The following PTPRM variants were observed in gnomAD, a reference collection of about 807,000 sequenced individuals.
PTPRM encodes the protein receptor-type tyrosine-protein phosphatase mu.
In PTPRM, 47 loss-of-function variants were observed where a neutral mutation model predicts 186.7. That is an observed-to-expected ratio of 0.25 (90% CI 0.20 to 0.32). The LOEUF (loss-of-function observed/expected upper bound fraction) is 0.32. Among genes scored for constraint, PTPRM ranks in the 10% least tolerant of loss-of-function variants. The pLI, the probability that PTPRM is intolerant of heterozygous loss-of-function variation, is 1.00. For synonymous variants in PTPRM, 668 were observed against 674.9 expected, an observed-to-expected ratio of 0.99 and a Z score of 0.16; for missense variants, 1,494 against 1,865.0, an observed-to-expected ratio of 0.80 and a Z score of 3.66.
intron 5 of PTPRM, among the ~76,000 whole-genome samples, chr18:7,938,988 G>A (rs188382497): frequency 1.9e-4 from 29 of 152,238 alleles, no homozygotes; most frequent in Admixed American, 1.8e-3. Flanking sequence ...AGAAATCAAA[G>A]GTCAACACTA....
chr18:8,071,554 C>T (rs1441981329), intron 8 of PTPRM, among the ~76,000 whole-genome samples: 1 of 152,144 alleles, frequency 6.6e-6, no homozygotes, highest in African/African-American at 2.4e-5. Context: ...CATTCCAGTG[C>T]CTTGGCTGTC....
intron 1 of PTPRM, among the ~76,000 whole-genome samples, chr18:7,604,755 C>A (rs2037488551): frequency 6.6e-6 from 1 of 152,144 alleles, no homozygotes; most frequent in Admixed American, 6.5e-5. Flanking sequence ...TGGGAGCTGC[C>A]CTGTTCACCT....
chr18:7,749,773 C>A (rs1355189998), intron 1 of PTPRM, among the ~76,000 whole-genome samples: 1 of 152,252 alleles, frequency 6.6e-6, no homozygotes, highest in African/African-American at 2.4e-5. Flanking sequence ...ATTCTCAATT[C>A]CATGTTAGGG....
At position 8,397,098 on chromosome 18, in the gene PTPRM, G is replaced by A. The variant is rs1038701299; in HGVS notation, c.4344+2487G>A. Among the ~76,000 whole-genome samples, 8 of 152,238 alleles carry A rather than the reference G, an allele frequency of 5.3e-5. No homozygotes were observed. In the East Asian group the frequency reaches 7.7e-4, roughly 15 times the overall value. On this transcript the variant is annotated intron_variant, in intron 32 of 32. Transcript: ENST00000580170. Reference sequence around the variant, plus strand: ...AGCAGTGTACTGAGTCTACTTAGCCGCGTCTTCAGAGGATGACGAGCATGT... The same window carrying A: ...AGCAGTGTACTGAGTCTACTTAGCCACGTCTTCAGAGGATGACGAGCATGT...
In PTPRM at chr18:7,652,215, A is replaced by T. The variant is rs191941888; in HGVS notation, c.73+84324A>T. Among the ~76,000 whole-genome samples, 116 of 152,332 alleles carry T rather than the reference A, an allele frequency of 7.6e-4. No individual in the cohort carries two copies. The East Asian group carries it at 0.02, about 26-fold the overall frequency. ...AAACCACAATGAGATATCATCTAAC[A>T]CCAGTTAGAATGGCAGTCATTAAAA... On this transcript the variant is annotated intron_variant, in intron 1 of 32. Coordinates refer to ENST00000580170, the MANE Select transcript of PTPRM (RefSeq NM_001105244.2).
At chr18:8,284,863 T>A (rs1465869632) in intron 19 of PTPRM, among the ~76,000 whole-genome samples, 2 of 152,222 alleles carry the variant, frequency 1.3e-5, no homozygotes, top group Non-Finnish European at 2.9e-5. Context: ...ATATACTTTT[T>A]AAAAAACATA....
intron 14 of PTPRM, among the ~76,000 whole-genome samples, chr18:8,216,228 A>T (rs1298546652): frequency 6.6e-6 from 1 of 152,084 alleles, no homozygotes; most frequent in African/African-American, 2.4e-5. Context: ...TTTTCCAACA[A>T]GATTGTCTGT....
chr18:8,313,741 C>T (rs907859465), intron 20 of PTPRM, among the ~76,000 whole-genome samples: 2 of 152,074 alleles, frequency 1.3e-5, no homozygotes, highest in Non-Finnish European at 2.9e-5. Flanking sequence ...CCCTTACCCC[C>T]TTCTCCCCCT....
rs1012474100 is a variant in PTPRM, at chr18:7,808,918, T to G, written c.196+34647T>G. On this transcript the variant is annotated intron_variant, in intron 2 of 32. Transcript: ENST00000580170. The stretch of plus-strand genomic sequence containing the variant: ...TCACATCTGATTTGTAGCACATTCC[T>G]CATTGGAAGAAACATAAGCAATACA... 6.6e-5 allele frequency among the ~76,000 whole-genome samples: 10 copies of G among 152,222 alleles called. 1 individual carries two copies. The highest frequency in any genetic ancestry group is 1.9e-4 in the African/African-American group (8 of 41,464).
At chr18:7,978,180 G>A (rs181819682) in intron 7 of PTPRM, among the ~76,000 whole-genome samples, 47 of 152,266 alleles carry the variant, frequency 3.1e-4, no homozygotes, top group South Asian at 1.5e-3. Flanking sequence ...TTGATTTAAG[G>A]ATGGGATTGG....
At chr18:7,888,014 C>T (rs761856698) in intron 2 of PTPRM, 92 bp from the exon 3 acceptor site, 1 of 1,467,378 alleles carries the variant, frequency 6.8e-7, no homozygotes, top group South Asian at 1.1e-5. Flanking sequence ...CATGGAATTG[C>T]AGTGCCAACC....
intron 13 of PTPRM, among the ~76,000 whole-genome samples, chr18:8,130,934 A>G (rs1278667600): frequency 6.6e-6 from 1 of 152,222 alleles, no homozygotes; most frequent in Non-Finnish European, 1.5e-5. Context: ...GTGGTGAGAC[A>G]TCGAGTGCAA....
chr18:8,388,058 G>A (rs190919664), intron 31 of PTPRM, among the ~76,000 whole-genome samples: 1 of 152,176 alleles, frequency 6.6e-6, no homozygotes, highest in Non-Finnish European at 1.5e-5. Context: ...ATTTCAATGT[G>A]TTGAGATAAT....
intron 14 of PTPRM, among the ~76,000 whole-genome samples, chr18:8,238,424 A>T (rs528572005): frequency 6.9e-6 from 1 of 144,320 alleles, no homozygotes; most frequent in African/African-American, 2.6e-5. Flanking sequence ...ATTCTGTTAC[A>T]ACGTTTTTTG....
chr18:8,348,808 CTG>C (rs1256615109), intron 23 of PTPRM, among the ~76,000 whole-genome samples: 13 of 152,186 alleles, frequency 8.5e-5, no homozygotes, highest in Non-Finnish European at 1.3e-4. Flanking sequence ...TAGAATGTGA[CTG>C]TTTATTAAAA....
At chr18:8,244,312 T>C in intron 15 of PTPRM, 103 bp downstream of exon 15, 3 of 1,177,104 alleles carry the variant, frequency 2.5e-6, no homozygotes, top group Non-Finnish European at 3.4e-6. Flanking sequence ...CCTGAAGAAA[T>C]TTTTATGCCG....
At position 8,007,219 on chromosome 18, in the gene PTPRM, A is replaced by G. The variant is rs78634027; in HGVS notation, c.1132+51805A>G. On this transcript the variant is annotated intron_variant, in intron 7 of 32. Transcript: ENST00000580170. ...TGTTTCTTGAGCAAATATTTGTTAG[A>G]TAAATACCACCTTTAGTTTTCCCTA... Among the ~76,000 whole-genome samples, 2,480 of 152,296 alleles carry G rather than the reference A, an allele frequency of 0.016. 215 individuals carry two copies. The East Asian group carries it at 0.28, about 17-fold the overall frequency.
chr18:8,161,242 GA>G (rs2093223804), intron 14 of PTPRM, among the ~76,000 whole-genome samples: 1 of 152,202 alleles, frequency 6.6e-6, no homozygotes, highest in African/African-American at 2.4e-5. Flanking sequence ...TGTCTTTGCT[GA>G]GAATTACCTT....
intron 13 of PTPRM, among the ~76,000 whole-genome samples, chr18:8,115,234 G>A (rs1199324226): frequency 6.6e-6 from 1 of 152,132 alleles, no homozygotes; most frequent in East Asian, 1.9e-4. Context: ...TAGTTCTCTA[G>A]TTATAATAGC....
Sources: gnomAD v4.1 joint callset for allele counts (sites outside exome capture counted in the v4.1 genomes callset) on GRCh38, gnomAD v4.1.1 for gene constraint, MANE v1.5 for transcripts, NCBI Gene and HGNC (gene_info 2026-07-23, HGNC 2026-07-21) for gene names.